SLC44A5: variants seen among roughly 807,000 people sequenced by gnomAD.
SLC44A5 encodes the protein solute carrier family 44 member 5.
In SLC44A5, 57 loss-of-function variants were observed where a neutral mutation model predicts 101.8. The observed-to-expected ratio is 0.56, with a 90% CI of 0.45 to 0.70. SLC44A5 has a LOEUF of 0.70. Ranked by LOEUF, SLC44A5 falls within the 30% of genes least tolerant of loss-of-function variation. The pLI is 0.00. For missense variants in SLC44A5, 737 were observed against 853.1 expected, an observed-to-expected ratio of 0.86 and a Z score of 1.70; for synonymous variants, 281 against 290.9, an observed-to-expected ratio of 0.97 and a Z score of 0.35.
chr1:75,702,299 A>G, the SLC44A5 span, among the ~76,000 whole-genome samples: 2 of 152,360 alleles, frequency 1.3e-5, no homozygotes, highest in Non-Finnish European at 2.9e-5. Context: ...TGGTACTGGT[A>G]TCAAAACAGA....
intron 1 of SLC44A5, chr1:75,582,429 T>C (rs956310667): frequency 2.1e-5 from 14 of 682,422 alleles, no homozygotes; most frequent in Admixed American, 1.3e-4. Context: ...CATGCCCACA[T>C]TGCCAAAGGG....
At chr1:75,205,980 A>G (rs1646742920) in intron 23 of SLC44A5, 1 of 152,204 alleles carries the variant, frequency 6.6e-6, no homozygotes, top group African/African-American at 2.4e-5. Flanking sequence ...TCACTAAAAC[A>G]GAATGGGCTC....
intron 13 of SLC44A5, among the ~76,000 whole-genome samples, chr1:75,225,856 A>G (rs1271783818): frequency 2.0e-5 from 3 of 152,160 alleles, no homozygotes; most frequent in East Asian, 1.9e-4. Flanking sequence ...TACTTTTCCA[A>G]TGGCAGATTC....
chr1:75,646,907 T>A, the SLC44A5 span, among the ~76,000 whole-genome samples: 1 of 152,052 alleles, frequency 6.6e-6, no homozygotes, highest in African/African-American at 2.4e-5. Flanking sequence ...GCTCGGAAAA[T>A]TTGCAGGCTG....
At chr1:75,673,442 C>A in the SLC44A5 span, among the ~76,000 whole-genome samples, 1,021 of 152,098 alleles carry the variant, frequency 6.7e-3, 15 homozygotes, top group Admixed American at 0.037. Flanking sequence ...TGACTTCAGA[C>A]CCTAGCTCCC....
At chr1:75,537,426 T>A (rs1671115517) in intron 2 of SLC44A5, among the ~76,000 whole-genome samples, 1 of 152,258 alleles carries the variant, frequency 6.6e-6, no homozygotes, top group Non-Finnish European at 1.5e-5. Context: ...TTTGCTTATC[T>A]GTCTTCTAGA....
At chr1:75,394,120 GA>G (rs1362635607) in intron 3 of SLC44A5, among the ~76,000 whole-genome samples, 21 of 152,284 alleles carry the variant, frequency 1.4e-4, no homozygotes, top group African/African-American at 4.3e-4. Flanking sequence ...CGACTGGCCA[GA>G]GAAGGAGAGA....
the SLC44A5 span, among the ~76,000 whole-genome samples, chr1:75,655,783 T>C: frequency 3.3e-5 from 5 of 151,872 alleles, no homozygotes; most frequent in Non-Finnish European, 7.4e-5. Context: ...GTTCCATACA[T>C]CCCTTTGGGC....
chr1:75,449,525 G>A lies in SLC44A5; in HGVS notation c.14-52904C>T, dbSNP rs557933142. ...TTTAAGAGTGGAACTTGGACTTTGCGGGAATCTTCCTCACTTCTCCTACAG... is the reference window on the plus strand; with the variant it reads ...TTTAAGAGTGGAACTTGGACTTTGCAGGAATCTTCCTCACTTCTCCTACAG... On this transcript the variant is annotated intron_variant, in intron 2 of 23. Transcript: ENST00000370859. Among the ~76,000 whole-genome samples, 46 of 152,166 alleles carry A rather than the reference G, an allele frequency of 3.0e-4. No individual in the cohort carries two copies. The South Asian group carries it at 8.3e-3, about 27-fold the overall frequency.
intron 6 of SLC44A5, among the ~76,000 whole-genome samples, chr1:75,270,965 T>C (rs1651417251): frequency 6.6e-6 from 1 of 152,134 alleles, no homozygotes; most frequent in South Asian, 2.1e-4. Flanking sequence ...AACTAGAGAT[T>C]GAGAGATTTG....
chr1:75,670,158 T>C, the SLC44A5 span, among the ~76,000 whole-genome samples: 1 of 151,846 alleles, frequency 6.6e-6, no homozygotes, highest in South Asian at 2.1e-4. Context: ...ATACAGAAAA[T>C]AGTCATATTT....
intron 3 of SLC44A5, among the ~76,000 whole-genome samples, chr1:75,366,795 T>C (rs1659888680): frequency 6.6e-6 from 1 of 152,222 alleles, no homozygotes. Flanking sequence ...TCTGCATGAC[T>C]GAGTCTGCTG....
chr1:75,290,070 A>T (rs1653408184), intron 5 of SLC44A5, among the ~76,000 whole-genome samples: 1 of 152,250 alleles, frequency 6.6e-6, no homozygotes, highest in South Asian at 2.1e-4. Flanking sequence ...GATAACAGGG[A>T]TGAAGATTAT....
intron 6 of SLC44A5, among the ~76,000 whole-genome samples, chr1:75,269,804 T>C (rs1381843262): frequency 6.6e-6 from 1 of 152,174 alleles, no homozygotes; most frequent in Non-Finnish European, 1.5e-5. Flanking sequence ...ATATTTTCCC[T>C]TGATACCATT....
chr1:75,674,384 A>G, the SLC44A5 span, among the ~76,000 whole-genome samples: 1 of 148,638 alleles, frequency 6.7e-6, no homozygotes, highest in Non-Finnish European at 1.5e-5. Context: ...AGAAAAAAGG[A>G]TTTTTTTTTT....
chr1:75,240,694 C>A (rs80189072), intron 9 of SLC44A5, among the ~76,000 whole-genome samples: 1 of 151,982 alleles, frequency 6.6e-6, no homozygotes. Flanking sequence ...GTATGTAAGA[C>A]ATGTTTGGTG....
intron 2 of SLC44A5, among the ~76,000 whole-genome samples, chr1:75,457,944 TC>T (rs1666280098): frequency 1.3e-5 from 2 of 151,994 alleles, no homozygotes; most frequent in South Asian, 4.1e-4. Context: ...AGGACCACAT[TC>T]CTTGTAGCAT....
intron 1 of SLC44A5, among the ~76,000 whole-genome samples, chr1:75,554,275 G>A (rs1267185205): frequency 6.6e-6 from 1 of 151,994 alleles, no homozygotes; most frequent in African/African-American, 2.4e-5. Context: ...TCAGGAGTTT[G>A]AGACCAGTCT....
At chr1:75,492,085 C>G (rs182283715) in intron 2 of SLC44A5, among the ~76,000 whole-genome samples, 2 of 152,126 alleles carry the variant, frequency 1.3e-5, no homozygotes, top group Non-Finnish European at 2.9e-5. Flanking sequence ...AGGGATGTGC[C>G]GGGCCCTGCA....
Sources: allele counts gnomAD v4.1 joint callset (sites outside exome capture counted in the v4.1 genomes callset), GRCh38; gene constraint gnomAD v4.1.1; transcripts MANE v1.5; gene names NCBI Gene and HGNC (gene_info 2026-07-23, HGNC 2026-07-21).